HECA: variants seen among roughly 807,000 people sequenced by gnomAD.
HECA encodes the protein HECA ribonucleoprotein granule regulator.
Under a neutral mutation model 37.6 loss-of-function variants are expected in HECA, and 13 were observed. The ratio of observed to expected loss-of-function variants is 0.35; its 90% CI spans 0.23 to 0.55. HECA has a LOEUF of 0.55. HECA is among the 20% of genes least tolerant of loss of function. The probability of loss-of-function intolerance (pLI) is 0.90; values close to 1 mark genes in which losing one functional copy is unlikely to be tolerated. For missense variants in HECA, 527 were observed against 701.9 expected, an observed-to-expected ratio of 0.75 and a Z score of 2.82; for synonymous variants, 307 against 291.5, an observed-to-expected ratio of 1.05 and a Z score of -0.54.
Position 139,176,330 on chromosome 6 carries a change from A to G in HECA, c.1468-611A>G, listed in dbSNP as rs575103320. 6.6e-6 allele frequency among the ~76,000 whole-genome samples: 1 copy of G among 152,334 alleles called. No homozygotes were observed. The highest frequency in any genetic ancestry group is 2.4e-5 in the African/African-American group (1 of 41,582). On this transcript the variant is annotated intron_variant, in intron 3 of 3. Transcript: ENST00000367658. This position sits in a 1 kb window ranked among gnomAD's most constrained non-coding sequence, Gnocchi z 4.5. The stretch of plus-strand genomic sequence containing the variant: ...AGTTGAGATTATACTTTTTAAGTAC[A>G]TTTTTAAAATGAGTCTAAATTGAGT...
At chr6:139,174,665 TTGTAA>T (rs1775025641) in intron 3 of HECA, 126 bp downstream of exon 3, 3 of 1,369,220 alleles carry the variant, frequency 2.2e-6, no homozygotes, top group Non-Finnish European at 2.9e-6. Flanking sequence ...GAGTTACTAC[TTGTAA>T]TGTAGTCATT....
At chr6:139,136,735 A>G (rs1179729388) in intron 1 of HECA, among the ~76,000 whole-genome samples, 2 of 151,834 alleles carry the variant, frequency 1.3e-5, no homozygotes, top group African/African-American at 4.8e-5. Flanking sequence ...TCCGGTCTGA[A>G]GCGATTCTCC....
Position 139,166,292 on chromosome 6 carries a change from T to C in HECA, c.280T>C (p.Cys94Arg). The C allele has an allele frequency of 1.3e-6, 2 of 1,597,668 alleles. No homozygotes were observed. The highest frequency in any genetic ancestry group is 1.7e-6 in the Non-Finnish European group (2 of 1,169,930). The change falls in exon 2 of 4, where the codon TGT (cysteine) becomes CGT (arginine). Residue 94 changes from cysteine (C) to arginine (R), a missense_variant. By Grantham distance (180) the Cys-to-Arg change is radical. Transcript: ENST00000367658. ...CTTTATTCCTCCCCCAGAAGCCCCA[T>C]GTGCCACTCCCCTGATCTGCAGCTT... ...AAGDAKNEAP[C>R]ATPLICSFGR...
chr6:139,167,248 A>G lies in HECA; in HGVS notation c.1236A>G (p.Pro412=), dbSNP rs201702729. 2.5e-6 allele frequency: 4 copies of G among 1,613,814 alleles called. No individual in the cohort carries two copies. Among genetic ancestry groups the G allele is most frequent in the East Asian group, 2.2e-5 (1 of 44,840 alleles). ...HRALPVFEQF[P]LVDGTLFLSP... ...CGCTCCCGGTGTTCGAACAGTTCCC[A>G]CTGGTGGATGGAACTTTGTTCCTAA... The change falls in exon 2 of 4, where the codon CCA becomes CCG. Residue 412 remains proline, a synonymous_variant. Transcript: ENST00000367658.
intron 1 of HECA, among the ~76,000 whole-genome samples, chr6:139,160,507 C>T (rs562352577): frequency 1.3e-5 from 2 of 152,302 alleles, no homozygotes; most frequent in South Asian, 2.1e-4. Flanking sequence ...TCAATTTCCT[C>T]GACTCACTTG....
In HECA at chr6:139,178,491, G is replaced by T. The variant is rs1775083902; in HGVS notation, c.*1386G>T. 7.4e-6 allele frequency: 1 copy of T among 135,804 alleles called. No homozygotes were observed. Among genetic ancestry groups the T allele is most frequent in the African/African-American group, 2.8e-5 (1 of 35,612 alleles). 8.4% of individuals were successfully genotyped at this position (135,804 alleles called of 1,614,324 possible). A position where few individuals can be genotyped will look rare whatever the true frequency, so the allele number is the denominator to read the frequency against. On this transcript the variant is annotated 3_prime_UTR_variant, in exon 4 of 4. Transcript: ENST00000367658. ...GTGAACATTTTATGTTACTCATTTG[G>T]TTTATACTTTTTTTTTTTTTTTTTT...
rs532583301 is a variant in HECA, at chr6:139,171,006, A to T, written c.1313-3379A>T. Among the ~76,000 whole-genome samples the T allele has an allele frequency of 3.9e-4, 60 of 152,332 alleles. 1 individual carries two copies. The highest frequency in any genetic ancestry group is 1.1e-3 in the African/African-American group (47 of 41,582). On this transcript the variant is annotated intron_variant, in intron 2 of 3. Transcript: ENST00000367658. ...TGTTTCTAGACCAGATAAATGGTGC[A>T]AGAGTAGAGAAAGGAGATGGGTAGA...
Position 139,176,606 on chromosome 6 carries a change from A to C in HECA, c.1468-335A>C, listed in dbSNP as rs1347195588. ...AGAATGAAAAATGAAATTTCAAAGA[A>C]GTTTCGTGGAGGTTTGGGTGAGGGA... On this transcript the variant is annotated intron_variant, in intron 3 of 3. Transcript: ENST00000367658. The surrounding 1 kb of genome is among the most constrained non-coding windows in gnomAD (Gnocchi z 4.5). 6.6e-6 allele frequency among the ~76,000 whole-genome samples: 1 copy of C among 152,206 alleles called. No individual in the cohort carries two copies.
At chr6:139,163,406 G>C (rs2114466669) in intron 1 of HECA, among the ~76,000 whole-genome samples, 1 of 150,056 alleles carries the variant, frequency 6.7e-6, no homozygotes, top group Middle Eastern at 3.4e-3. Flanking sequence ...TCAGGCTGGT[G>C]TGCAGTGGCA....
At chr6:139,145,021 T>C (rs1023254822) in intron 1 of HECA, among the ~76,000 whole-genome samples, 6 of 152,224 alleles carry the variant, frequency 3.9e-5, no homozygotes, top group Non-Finnish European at 7.3e-5. Context: ...CCCTATGGTT[T>C]ATTTTTCGTA....
Position 139,135,350 on chromosome 6 carries a change from T to C in HECA, c.-47T>C. The C allele has an allele frequency of 7.8e-7, 1 of 1,279,450 alleles. No homozygotes were observed. The highest frequency in any genetic ancestry group is 1.5e-5 in the South Asian group (1 of 66,896). The allele number at this position is 1,279,450 out of a possible 1,614,324, so 79.3% of individuals were successfully genotyped here. A position where few individuals can be genotyped will look rare whatever the true frequency, so the allele number is the denominator to read the frequency against. ...GCCGGGAACGGCCGTGCCTCTGGGA[T>C]CCGCCTTCGCTGACGCCGGGCACCT... On this transcript the variant is annotated 5_prime_UTR_variant, in exon 1 of 4. Coordinates refer to ENST00000367658, the MANE Select transcript of HECA (RefSeq NM_016217.3).
At chr6:139,169,779 C>T (rs909329608) in intron 2 of HECA, 5 of 152,204 alleles carry the variant, frequency 3.3e-5, no homozygotes, top group Non-Finnish European at 1.5e-5. Flanking sequence ...CAGAGTCTGT[C>T]TCTAGAGGCT....
At chr6:139,171,059 C>T (rs1049921084) in intron 2 of HECA, among the ~76,000 whole-genome samples, 3 of 151,878 alleles carry the variant, frequency 2.0e-5, no homozygotes, top group South Asian at 4.2e-4. Context: ...CCTGGTTTTG[C>T]GGGCAGAAGA....
intron 1 of HECA, chr6:139,153,038 T>C (rs1774671065): frequency 2.6e-5 from 4 of 152,166 alleles, no homozygotes; most frequent in Admixed American, 2.6e-4. Flanking sequence ...AGCAGAGACT[T>C]TACCCTAGCT....
chr6:139,139,515 TGGAGA>T (rs1212412540), intron 1 of HECA, among the ~76,000 whole-genome samples: 1 of 152,246 alleles, frequency 6.6e-6, no homozygotes, highest in Non-Finnish European at 1.5e-5. Flanking sequence ...TGGAGGTTAC[TGGAGA>T]GTGCTCTTGG....
intron 1 of HECA, among the ~76,000 whole-genome samples, chr6:139,140,096 T>C (rs1224082668): frequency 1.3e-5 from 2 of 152,254 alleles, no homozygotes; most frequent in Admixed American, 1.3e-4. Flanking sequence ...TGTATTTTGC[T>C]GCATATTTAG....
chr6:139,147,600 A>T (rs750073414), intron 1 of HECA, among the ~76,000 whole-genome samples: 10 of 152,194 alleles, frequency 6.6e-5, no homozygotes, highest in Non-Finnish European at 1.3e-4. Context: ...ACAGAACGAG[A>T]TGCTGTCTAA....
At chr6:139,151,351 A>G (rs1397098435) in intron 1 of HECA, 1 of 152,236 alleles carries the variant, frequency 6.6e-6, no homozygotes, top group Non-Finnish European at 1.5e-5. Flanking sequence ...ATTTAGCTAC[A>G]TCGTGCTGAG....
intron 1 of HECA, among the ~76,000 whole-genome samples, chr6:139,160,827 ATGGTAGCAT>A (rs1313523396): frequency 1.7e-4 from 26 of 152,380 alleles, no homozygotes; most frequent in African/African-American, 5.5e-4. Context: ...GTATAAAATT[ATGGTAGCAT>A]ATAAGCAAAC....
Sources: gnomAD v4.1 joint callset for allele counts (sites outside exome capture counted in the v4.1 genomes callset) on GRCh38, gnomAD v4.1.1 for gene constraint, Gnocchi (gnomAD v3.1) non-coding constraint, MANE v1.5 for transcripts, NCBI Gene and HGNC (gene_info 2026-07-23, HGNC 2026-07-21) for gene names.